Variants in USH2A observed in about 807,000 individuals in gnomAD.
USH2A encodes usherin.
A neutral mutation model predicts 538.9 loss-of-function variants in USH2A; 443 were observed. The ratio of observed to expected loss-of-function variants is 0.82; its 90% CI spans 0.76 to 0.89. The LOEUF (loss-of-function observed/expected upper bound fraction) is 0.89. USH2A is among the 40% of genes least tolerant of loss of function. The pLI is 0.00. For synonymous variants in USH2A, 2,413 were observed against 2,273.5 expected (o/e 1.06, Z -1.75); for missense variants, 6,633 against 6,324.8 (o/e 1.05, Z -1.65).
At chr1:216,119,793 C>T (rs2033089359) in intron 21 of USH2A, among the ~76,000 whole-genome samples, 1 of 152,066 alleles carries the variant, frequency 6.6e-6, no homozygotes, top group South Asian at 2.1e-4. Context: ...TTAACAGTGC[C>T]ATCTGTTGGT....
intron 37 of USH2A, among the ~76,000 whole-genome samples, chr1:215,950,918 T>C (rs1450992284): frequency 6.6e-6 from 1 of 152,210 alleles, no homozygotes; most frequent in Non-Finnish European, 1.5e-5. Context: ...TGAAAATTTA[T>C]TGCGTCTATT....
At chr1:215,830,731 C>A (rs75906775) in intron 47 of USH2A, among the ~76,000 whole-genome samples, 46 of 152,130 alleles carry the variant, frequency 3.0e-4, no homozygotes, top group Non-Finnish European at 1.5e-4. Context: ...AGCAGCACAG[C>A]GAAGATTTTG....
chr1:216,245,595 G>T (rs141779308), intron 13 of USH2A, among the ~76,000 whole-genome samples: 376 of 151,418 alleles, frequency 2.5e-3, no homozygotes, highest in African/African-American at 8.8e-3. Flanking sequence ...AGGTTTTTAT[G>T]GAGTATCTAG....
At chr1:215,883,514 T>C (rs986877830) in intron 41 of USH2A, among the ~76,000 whole-genome samples, 2 of 152,092 alleles carry the variant, frequency 1.3e-5, no homozygotes, top group African/African-American at 2.4e-5. Context: ...CTCCTTTTTT[T>C]CTAAGATTTT....
intron 4 of USH2A, among the ~76,000 whole-genome samples, chr1:216,335,031 A>G (rs2037942387): frequency 6.6e-6 from 1 of 151,844 alleles, no homozygotes; most frequent in Non-Finnish European, 1.5e-5. Context: ...TACATTCTCC[A>G]GGATAGATTA....
At chr1:216,170,402 G>C (rs993483833) in intron 21 of USH2A, among the ~76,000 whole-genome samples, 1 of 152,012 alleles carries the variant, frequency 6.6e-6, no homozygotes, top group Non-Finnish European at 1.5e-5. Flanking sequence ...AAACTGTATA[G>C]AGTTCTCATC....
chr1:215,692,373 G>A (rs1378679144), intron 61 of USH2A, among the ~76,000 whole-genome samples: 2 of 152,042 alleles, frequency 1.3e-5, no homozygotes, highest in African/African-American at 2.4e-5. Context: ...GGAGATACCA[G>A]GAGTATATTT....
intron 3 of USH2A, among the ~76,000 whole-genome samples, chr1:216,369,026 T>C (rs1258781725): frequency 1.3e-5 from 2 of 152,162 alleles, no homozygotes; most frequent in Admixed American, 1.3e-4. Context: ...GATACAAATA[T>C]AAGGAACATC....
intron 15 of USH2A, among the ~76,000 whole-genome samples, chr1:216,211,624 C>T (rs1249876163): frequency 6.6e-6 from 1 of 152,152 alleles, no homozygotes; most frequent in African/African-American, 2.4e-5. Flanking sequence ...TCATTGCCCT[C>T]CTTTTGTCTT....
intron 21 of USH2A, among the ~76,000 whole-genome samples, chr1:216,155,490 T>C (rs1459264015): frequency 6.6e-6 from 1 of 152,180 alleles, no homozygotes; most frequent in East Asian, 1.9e-4. Flanking sequence ...CAACCCATCC[T>C]GTTGCCCCAC....
intron 55 of USH2A, among the ~76,000 whole-genome samples, chr1:215,770,014 C>T (rs903343845): frequency 3.3e-5 from 5 of 152,158 alleles, no homozygotes; most frequent in Admixed American, 6.5e-5. Flanking sequence ...AATACTTAGG[C>T]TCATTTCAAA....
chr1:216,383,558 G>A (rs115410579), intron 3 of USH2A, among the ~76,000 whole-genome samples: 5,519 of 152,308 alleles, frequency 0.036, 135 homozygotes, highest in South Asian at 0.081. Context: ...TGGAATGTGG[G>A]AAGAGAAAGA....
chr1:216,108,568 T>C (rs11799850), intron 21 of USH2A, among the ~76,000 whole-genome samples: 32,457 of 151,850 alleles, frequency 0.21, 4,433 homozygotes, highest in African/African-American at 0.37. Flanking sequence ...TATTTCTTCT[T>C]CCTGGAACCC....
chr1:215,783,830 T>G (rs1044423327), intron 52 of USH2A, among the ~76,000 whole-genome samples: 1 of 152,230 alleles, frequency 6.6e-6, no homozygotes, highest in Non-Finnish European at 1.5e-5. Flanking sequence ...CCTTCCTCCT[T>G]GGCTGCCTGG....
chr1:216,174,554 AT>A (rs1473739513), intron 21 of USH2A: 1 of 982,726 alleles, frequency 1.0e-6, no homozygotes, highest in African/African-American at 1.8e-5. Context: ...TTTCACATTG[AT>A]TTTCATTTTT....
At chr1:216,376,810 G>T (rs2102726406) in intron 3 of USH2A, among the ~76,000 whole-genome samples, 1 of 152,192 alleles carries the variant, frequency 6.6e-6, no homozygotes, top group East Asian at 1.9e-4. Flanking sequence ...AGCACTCAAT[G>T]GATGTCATAA....
intron 48 of USH2A, among the ~76,000 whole-genome samples, chr1:215,815,676 C>G (rs921933130): frequency 1.3e-5 from 2 of 151,912 alleles, no homozygotes; most frequent in Non-Finnish European, 2.9e-5. Context: ...TTTTCTTCAT[C>G]CCATTACTTT....
chr1:216,365,968 C>A (rs772264094), intron 3 of USH2A, among the ~76,000 whole-genome samples: 1 of 152,136 alleles, frequency 6.6e-6, no homozygotes, highest in Non-Finnish European at 1.5e-5. Context: ...CCCAGAATAG[C>A]CAATGCTATC....
chr1:216,291,049 CA>C (rs2036990511), intron 10 of USH2A, among the ~76,000 whole-genome samples: 1 of 152,138 alleles, frequency 6.6e-6, no homozygotes, highest in South Asian at 2.1e-4. Flanking sequence ...TAACCTTCTC[CA>C]ATCCATTTTT....
Sources: allele counts gnomAD v4.1 joint callset (sites outside exome capture counted in the v4.1 genomes callset), GRCh38; gene constraint gnomAD v4.1.1; transcripts MANE v1.5; gene names NCBI Gene and HGNC (gene_info 2026-07-23, HGNC 2026-07-21).